DKK3: variants seen among roughly 807,000 people sequenced by gnomAD.
The protein encoded by DKK3 is dickkopf-related protein 3.
In DKK3, 22 loss-of-function variants were observed where a neutral mutation model predicts 33.2. The observed-to-expected ratio is 0.66, with a 90% confidence interval of 0.47 to 0.95. The LOEUF is 0.95. Among genes scored for constraint, DKK3 ranks in the 40% least tolerant of loss-of-function variants. The pLI, the probability that DKK3 is intolerant of heterozygous loss-of-function variation, is 0.00. For synonymous variants in DKK3, 194 were observed against 188.8 expected, an observed-to-expected ratio of 1.03 and a Z score of -0.23; for missense variants, 398 against 458.4, an observed-to-expected ratio of 0.87 and a Z score of 1.20.
At chr11:11,974,295 G>A (rs1001179760) in intron 3 of DKK3, among the ~76,000 whole-genome samples, 1 of 152,244 alleles carries the variant, frequency 6.6e-6, no homozygotes, top group African/African-American at 2.4e-5. Context: ...AGTATAGTAT[G>A]CCTCTCGGAT....
intron 1 of DKK3, among the ~76,000 whole-genome samples, chr11:12,006,537 G>A (rs1238470789): frequency 4.6e-5 from 7 of 152,176 alleles, no homozygotes; most frequent in Non-Finnish European, 1.5e-5. Flanking sequence ...ACACCTCTGG[G>A]AAAGAGTGGG....
At chr11:12,001,392 G>A (rs1005506174) in intron 2 of DKK3, among the ~76,000 whole-genome samples, 7 of 152,154 alleles carry the variant, frequency 4.6e-5, no homozygotes, top group African/African-American at 1.7e-4. Context: ...TTGATCCCCT[G>A]TGCTCTGTGG....
At chr11:12,003,146 G>A (rs1386008552) in intron 1 of DKK3, among the ~76,000 whole-genome samples, 2 of 152,156 alleles carry the variant, frequency 1.3e-5, no homozygotes, top group Non-Finnish European at 2.9e-5. Context: ...CCCACTTCCT[G>A]CTAGTGTTTT....
In DKK3 at chr11:11,982,562, C is replaced by T. The variant is rs943946448; in HGVS notation, c.436-14075G>A. Among the ~76,000 whole-genome samples, 5 of 152,226 alleles carry T rather than the reference C, an allele frequency of 3.3e-5. No homozygotes were observed. In the East Asian group the frequency reaches 5.8e-4, roughly 18 times the overall value. On this transcript the variant is annotated intron_variant, in intron 3 of 6. Coordinates refer to ENST00000683431, the MANE Select transcript of DKK3 (RefSeq NM_001018057.2). Reference sequence around the variant, plus strand: ...AGTCTCAGCCACTTTTTGGGACACACCAGAATTGGCGGACCTCTCAGAGCT... The same window carrying T: ...AGTCTCAGCCACTTTTTGGGACACATCAGAATTGGCGGACCTCTCAGAGCT...
At position 11,966,949 on chromosome 11, in the gene DKK3, C is replaced by A. The variant is rs374588314; in HGVS notation, c.673+5G>T. On this transcript the variant is annotated splice_donor_5th_base_variant and intron_variant, in intron 5 of 6. Coordinates refer to ENST00000683431, the MANE Select transcript of DKK3 (RefSeq NM_001018057.2). The stretch of plus-strand genomic sequence containing the variant: ...TTTTCCTGCATCTGAGGGGAGGCCA[C>A]TCACCTCTCTGGAAGGCACAGCACA... 4 of 1,613,348 alleles carry A rather than the reference C, an allele frequency of 2.5e-6. No individual in the cohort carries two copies. The highest frequency in any genetic ancestry group is 3.4e-6 in the Non-Finnish European group (4 of 1,179,660).
chr11:11,970,441 T>G (rs977945368), intron 3 of DKK3, among the ~76,000 whole-genome samples: 1 of 152,170 alleles, frequency 6.6e-6, no homozygotes, highest in African/African-American at 2.4e-5. Flanking sequence ...TTTTTTTCAC[T>G]TAGAATGGAA....
At chr11:11,974,708 CA>C (rs1847796226) in intron 3 of DKK3, among the ~76,000 whole-genome samples, 1 of 152,144 alleles carries the variant, frequency 6.6e-6, no homozygotes, top group African/African-American at 2.4e-5. Context: ...ATTCCCCCAG[CA>C]CGTGCTTGAC....
At chr11:12,008,697 C>T (rs1465618552), upstream of DKK3, 5 of 1,215,910 alleles carry the variant, frequency 4.1e-6, no homozygotes, top group African/African-American at 4.8e-5. The surrounding 1 kb of genome is among the most constrained non-coding windows in gnomAD (Gnocchi z 4.6). Flanking sequence ...GCCGCCCGCC[C>T]CTGGCGCCCC....
upstream of DKK3, chr11:12,009,038 C>T (rs1434749656): frequency 1.0e-6 from 1 of 988,834 alleles, no homozygotes; most frequent in South Asian, 4.7e-5. Flanking sequence ...TCAGCCCCTA[C>T]CTGGGGTGGA....
intron 3 of DKK3, among the ~76,000 whole-genome samples, chr11:11,976,707 C>A (rs1847841121): frequency 6.6e-6 from 1 of 152,198 alleles, no homozygotes; most frequent in South Asian, 2.1e-4. Flanking sequence ...GGGCAGGGTC[C>A]ACAAGGCTGG....
chr11:11,997,129 C>T (rs1256240970), intron 3 of DKK3, among the ~76,000 whole-genome samples: 6 of 152,256 alleles, frequency 3.9e-5, no homozygotes, highest in Non-Finnish European at 7.3e-5. Context: ...GTGGCAGCCT[C>T]ATGTATCCTG....
intron 3 of DKK3, among the ~76,000 whole-genome samples, chr11:11,995,243 C>T (rs1848267172): frequency 6.6e-6 from 1 of 152,132 alleles, no homozygotes; most frequent in African/African-American, 2.4e-5. Context: ...CCAGGCCCGG[C>T]TAATTTTTTT....
chr11:11,967,142 TG>T, intron 4 of DKK3, 44 bp from the exon 5 acceptor site: 1 of 1,599,354 alleles, frequency 6.3e-7, no homozygotes, highest in African/African-American at 1.3e-5. Flanking sequence ...GCTTAGGGAC[TG>T]GGGGCCTGCT....
At chr11:12,006,000 T>G (rs1362643270) in intron 1 of DKK3, among the ~76,000 whole-genome samples, 3 of 152,220 alleles carry the variant, frequency 2.0e-5, no homozygotes, top group African/African-American at 7.2e-5. Context: ...ATACTGCTAC[T>G]AGTAATATGA....
chr11:12,009,743 G>A (rs1848618157), upstream of DKK3: 1 of 985,612 alleles, frequency 1.0e-6, no homozygotes, highest in South Asian at 4.7e-5. Flanking sequence ...TGCCGTGATT[G>A]ACACCGTGCT....
chr11:11,966,137 G>A (rs1468438868), intron 5 of DKK3, among the ~76,000 whole-genome samples, 172 bp from the exon 6 acceptor site: 1 of 152,266 alleles, frequency 6.6e-6, no homozygotes, highest in African/African-American at 2.4e-5. Flanking sequence ...CTGGGCTCAG[G>A]AGGGAATGAT....
chr11:11,982,669 C>T (rs1264035853), intron 3 of DKK3, among the ~76,000 whole-genome samples: 1 of 152,130 alleles, frequency 6.6e-6, no homozygotes, highest in Non-Finnish European at 1.5e-5. Flanking sequence ...GGCCTTCCCG[C>T]TTCCATGGGC....
intron 3 of DKK3, among the ~76,000 whole-genome samples, chr11:11,985,505 C>G (rs1848051708): frequency 1.3e-5 from 2 of 152,296 alleles, no homozygotes; most frequent in African/African-American, 4.8e-5. Context: ...ATGGCATGTA[C>G]CAGACATTCC....
chr11:11,971,730 C>T (rs77541099), intron 3 of DKK3, among the ~76,000 whole-genome samples: 1 of 152,278 alleles, frequency 6.6e-6, no homozygotes, highest in South Asian at 2.1e-4. Context: ...TCCATCAAGA[C>T]GGGTGCATTT....
Sources: allele counts gnomAD v4.1 joint callset (sites outside exome capture counted in the v4.1 genomes callset), GRCh38; gene constraint gnomAD v4.1.1; non-coding constraint Gnocchi (gnomAD v3.1); transcripts MANE v1.5; gene names NCBI Gene and HGNC (gene_info 2026-07-23, HGNC 2026-07-21).